The following LINGO1 variants were observed in gnomAD, a reference collection of about 807,000 sequenced individuals.
LINGO1 encodes leucine-rich repeat and immunoglobulin-like domain-containing nogo receptor-interacting protein 1.
A neutral mutation model predicts 37.3 loss-of-function variants in LINGO1; 11 were observed. The observed-to-expected ratio is 0.29, with a 90% CI of 0.19 to 0.49. The LOEUF (loss-of-function observed/expected upper bound fraction) is 0.49, where lower values mean the gene tolerates loss of function less well. LINGO1 is among the 20% of genes least tolerant of loss of function. LINGO1 has a pLI of 0.99. For missense variants in LINGO1, 585 were observed against 878.2 expected (o/e 0.67, Z 4.22); for synonymous variants, 387 against 403.0 (o/e 0.96, Z 0.48).
chr15:77,765,549 T>A (rs1283958649), intron 1 of LINGO1, among the ~76,000 whole-genome samples: 1 of 152,022 alleles, frequency 6.6e-6, no homozygotes, highest in East Asian at 1.9e-4. Context: ...TGGAAGTCTG[T>A]ATGAGAAGCA....
At chr15:77,796,491 C>T (rs2141455372) in intron 1 of LINGO1, among the ~76,000 whole-genome samples, 1 of 152,348 alleles carries the variant, frequency 6.6e-6, no homozygotes, top group Non-Finnish European at 1.5e-5. Context: ...GCCAGGACTG[C>T]TGGGAAGATA....
At chr15:77,651,078 G>T (rs2141138791) in intron 3 of LINGO1, among the ~76,000 whole-genome samples, 1 of 152,248 alleles carries the variant, frequency 6.6e-6, no homozygotes, top group East Asian at 1.9e-4. Context: ...AAGTAGCTAT[G>T]GCAGATTCAC....
chr15:77,713,701 A>G (rs1239367749), intron 2 of LINGO1, among the ~76,000 whole-genome samples: 1 of 152,094 alleles, frequency 6.6e-6, no homozygotes, highest in South Asian at 2.1e-4. Context: ...AACGTCAGTG[A>G]CCTGTCTCTG....
At chr15:77,788,653 T>G (rs1035374767), upstream of LINGO1, 1 of 152,178 alleles carries the variant, frequency 6.6e-6, no homozygotes, top group Non-Finnish European at 1.5e-5. Flanking sequence ...ATTTGCAAAG[T>G]GAATACATGA....
At chr15:77,820,701 A>T (rs1264342320), upstream of LINGO1, 1 of 152,306 alleles carries the variant, frequency 6.6e-6, no homozygotes, top group Non-Finnish European at 1.5e-5. Flanking sequence ...TTCTGAGCCC[A>T]TGCCCAGCTC....
intron 1 of LINGO1, among the ~76,000 whole-genome samples, chr15:77,765,509 C>T (rs2076519414): frequency 6.6e-6 from 1 of 152,022 alleles, no homozygotes; most frequent in Admixed American, 6.5e-5. Context: ...TAGCACCAGG[C>T]ACCCCTAGAC....
upstream of LINGO1, chr15:77,820,378 G>C (rs536790759): frequency 6.6e-6 from 1 of 152,558 alleles, no homozygotes; most frequent in Admixed American, 6.5e-5. Context: ...CGTGGAGCCC[G>C]GCCCTCGGGG....
chr15:77,734,888 G>C (rs2076188829), intron 2 of LINGO1: 3 of 152,372 alleles, frequency 2.0e-5, no homozygotes. Context: ...GGGGGTCCAG[G>C]AGATGGGAGG....
In LINGO1 at chr15:77,613,899, G is replaced by A. The variant is rs1330368966; in HGVS notation, c.*145C>T. 2.8e-6 allele frequency: 2 copies of A among 721,310 alleles called. No individual in the cohort carries two copies. The highest frequency in any genetic ancestry group is 4.5e-6 in the Non-Finnish European group (2 of 447,496). The allele number at this position is 721,310 out of a possible 1,614,324, so 44.7% of individuals were successfully genotyped here. The stretch of plus-strand genomic sequence containing the variant: ...GGCAGGTGGTGAGGGCTGGCGGGGG[G>A]CAGCAGGGGACGGAGGCGGGAGGGA... On this transcript the variant is annotated 3_prime_UTR_variant, in exon 2 of 2. Coordinates refer to ENST00000355300, the MANE Select transcript of LINGO1 (RefSeq NM_032808.7).
chr15:77,769,124 C>T (rs781352036), intron 1 of LINGO1, among the ~76,000 whole-genome samples: 6 of 152,228 alleles, frequency 3.9e-5, no homozygotes, highest in Admixed American at 6.5e-5. Context: ...GCCAGCACCA[C>T]GCCAGGCTCA....
At chr15:77,724,078 CG>C (rs1310843008) in intron 2 of LINGO1, among the ~76,000 whole-genome samples, 1 of 152,198 alleles carries the variant, frequency 6.6e-6, no homozygotes, top group Non-Finnish European at 1.5e-5. Flanking sequence ...CCCAGTCACC[CG>C]GGGCTTCTCC....
chr15:77,739,874 C>G (rs2076243022), intron 1 of LINGO1, among the ~76,000 whole-genome samples: 1 of 152,226 alleles, frequency 6.6e-6, no homozygotes, highest in Non-Finnish European at 1.5e-5. Context: ...GTCTGTGCCT[C>G]CCCCCAATGC....
chr15:77,762,316 C>T (rs1005272213), intron 1 of LINGO1, among the ~76,000 whole-genome samples: 9 of 152,202 alleles, frequency 5.9e-5, no homozygotes, highest in Non-Finnish European at 8.8e-5. Context: ...GTGTTTGCTA[C>T]GCTCAGAGAC....
intron 1 of LINGO1, among the ~76,000 whole-genome samples, chr15:77,815,245 C>T (rs1334652165): frequency 6.6e-6 from 1 of 152,220 alleles, no homozygotes; most frequent in Non-Finnish European, 1.5e-5. Context: ...AGTGCTGAAA[C>T]AACTGCCTAA....
At chr15:77,816,733 T>TC in intron 1 of LINGO1, among the ~76,000 whole-genome samples, 1 of 151,916 alleles carries the variant, frequency 6.6e-6, no homozygotes, top group East Asian at 1.9e-4. Flanking sequence ...GCCCCTGGTC[T>TC]CCCCCTCACC....
chr15:77,666,169 G>A (rs1422727931), intron 3 of LINGO1, among the ~76,000 whole-genome samples: 4 of 152,350 alleles, frequency 2.6e-5, no homozygotes, highest in South Asian at 2.1e-4. Context: ...GGACATCTCC[G>A]CCAAGTCCTG....
intron 2 of LINGO1, among the ~76,000 whole-genome samples, chr15:77,679,948 G>C (rs1355740861): frequency 6.6e-6 from 1 of 152,196 alleles, no homozygotes; most frequent in African/African-American, 2.4e-5. Flanking sequence ...AACAGCCTTT[G>C]TACCAGAGAA....
Position 77,688,525 on chromosome 15 carries a change from G to A in LINGO1, c.-99+2195C>T, listed in dbSNP as rs190501015. On this transcript the variant is annotated intron_variant, in intron 2 of 3. Transcript: ENST00000559893. ...GGAGGGCAGAGTGGGCACTGTACTGGGGCCACCGCGGCAGGCTTCAGTGTT... is the reference window on the plus strand; with the variant it reads ...GGAGGGCAGAGTGGGCACTGTACTGAGGCCACCGCGGCAGGCTTCAGTGTT... Among the ~76,000 whole-genome samples, 713 of 152,268 alleles carry A rather than the reference G, an allele frequency of 4.7e-3. 7 individuals carry two copies. Among genetic ancestry groups the A allele is most frequent in the African/African-American group, 0.017 (687 of 41,552 alleles).
chr15:77,651,434 T>G (rs1232243347), intron 3 of LINGO1: 1 of 152,178 alleles, frequency 6.6e-6, no homozygotes, highest in East Asian at 1.9e-4. Context: ...TAACACCAGG[T>G]GGCCCAGGGC....
Sources: gnomAD v4.1 joint callset for allele counts (sites outside exome capture counted in the v4.1 genomes callset) on GRCh38, gnomAD v4.1.1 for gene constraint, MANE v1.5 for transcripts, NCBI Gene and HGNC (gene_info 2026-07-23, HGNC 2026-07-21) for gene names.